FOCAD: variants seen among roughly 807,000 people sequenced by gnomAD.
FOCAD encodes KIAA1797.
In FOCAD, 198 loss-of-function variants were observed where a neutral mutation model predicts 225.6. That is an observed-to-expected ratio of 0.88 (90% CI 0.78 to 0.99). The LOEUF is 0.99. FOCAD is among the 50% of genes least tolerant of loss of function. The pLI, the probability that FOCAD is intolerant of heterozygous loss-of-function variation, is 0.00. For missense variants in FOCAD, 2,713 were observed against 2,123.6 expected, an observed-to-expected ratio of 1.28 and a Z score of -5.46; for synonymous variants, 897 against 755.0, an observed-to-expected ratio of 1.19 and a Z score of -3.08.
intron 4 of FOCAD, among the ~76,000 whole-genome samples, chr9:20,722,929 CA>C (rs1341491400): frequency 6.6e-6 from 1 of 152,078 alleles, no homozygotes; most frequent in African/African-American, 2.4e-5. Context: ...TATTTATATT[CA>C]AAAGTTAAAG....
At chr9:20,779,061 C>T (rs900683044) in intron 9 of FOCAD, among the ~76,000 whole-genome samples, 2 of 152,106 alleles carry the variant, frequency 1.3e-5, no homozygotes, top group Non-Finnish European at 2.9e-5. Flanking sequence ...CAACATTGTA[C>T]AGCAAAATGG....
chr9:20,914,610 G>C (rs1172040048), intron 23 of FOCAD, among the ~76,000 whole-genome samples: 1 of 152,136 alleles, frequency 6.6e-6, no homozygotes, highest in African/African-American at 2.4e-5. Context: ...ATAGGCCCTG[G>C]GAGTGTACCT....
At chr9:20,750,092 T>G (rs1236076497) in intron 5 of FOCAD, among the ~76,000 whole-genome samples, 1 of 152,172 alleles carries the variant, frequency 6.6e-6, no homozygotes, top group Admixed American at 6.6e-5. Context: ...CCTCTGCTTT[T>G]TTCTTCTCTG....
At chr9:20,753,734 T>A (rs533331548) in intron 5 of FOCAD, among the ~76,000 whole-genome samples, 3 of 152,074 alleles carry the variant, frequency 2.0e-5, no homozygotes, top group African/African-American at 7.3e-5. Context: ...GATATGGACA[T>A]GGCTACATAA....
At chr9:20,858,669 G>C (rs775942726) in intron 15 of FOCAD, among the ~76,000 whole-genome samples, 7 of 151,990 alleles carry the variant, frequency 4.6e-5, no homozygotes, top group African/African-American at 1.7e-4. Context: ...AGTTATTTAA[G>C]ATGTATTGTT....
intron 2 of FOCAD, among the ~76,000 whole-genome samples, chr9:20,674,047 A>G (rs1822155918): frequency 1.3e-5 from 2 of 152,340 alleles, no homozygotes; most frequent in South Asian, 4.1e-4. Context: ...CACTGGGTCT[A>G]TCTGTAGTGG....
intron 29 of FOCAD, among the ~76,000 whole-genome samples, chr9:20,946,120 C>A (rs1281303348): frequency 1.4e-5 from 2 of 142,392 alleles, no homozygotes; most frequent in African/African-American, 5.3e-5. Context: ...TTCATTCATT[C>A]ATCAACATAT....
At chr9:20,715,566 A>G (rs1165171525) in intron 2 of FOCAD, among the ~76,000 whole-genome samples, 156 bp downstream of exon 2, 4 of 152,124 alleles carry the variant, frequency 2.6e-5, no homozygotes, top group South Asian at 2.1e-4. Flanking sequence ...ATTTGAAAAT[A>G]TATATTTGAC....
chr9:20,853,168 T>TA (rs1457431638), intron 15 of FOCAD, among the ~76,000 whole-genome samples: 1 of 151,774 alleles, frequency 6.6e-6, no homozygotes, highest in African/African-American at 2.4e-5. Flanking sequence ...AATGTCCCTA[T>TA]AGGGAGTTCT....
At chr9:20,772,254 A>G (rs182118016) in intron 8 of FOCAD, among the ~76,000 whole-genome samples, 1 of 152,198 alleles carries the variant, frequency 6.6e-6, no homozygotes, top group Admixed American at 6.5e-5. Context: ...ATTAGATTTC[A>G]GATATGCTTG....
At chr9:20,676,813 A>T (rs1053310163) in intron 2 of FOCAD, among the ~76,000 whole-genome samples, 2 of 152,216 alleles carry the variant, frequency 1.3e-5, no homozygotes, top group African/African-American at 4.8e-5. Context: ...TGTTCATACC[A>T]CACAACATGA....
intron 4 of FOCAD, among the ~76,000 whole-genome samples, chr9:20,728,079 G>A (rs1015866966): frequency 1.1e-4 from 16 of 152,116 alleles, no homozygotes; most frequent in Admixed American, 9.8e-4. Context: ...TATTAACCTA[G>A]CAAAAACAGT....
Position 20,764,937 on chromosome 9 carries a change from T to C in FOCAD, c.563T>C (p.Leu188Ser). The C allele has an allele frequency of 6.2e-7, 1 of 1,614,140 alleles. No individual in the cohort carries two copies. Among genetic ancestry groups the C allele is most frequent in the Non-Finnish European group, 8.5e-7 (1 of 1,180,010 alleles). Reference protein sequence around the residue: ...LWYLYCEPSQLQEYAKLRLAL... With the variant: ...LWYLYCEPSQSQEYAKLRLAL... ...TATCTGTATTGTGAACCATCTCAGT[T>C]ACAAGAATATGCTAAACTCCGACTA... The change falls in exon 7 of 44, where the codon TTA becomes TCA. Residue 188 changes from leucine to serine, a missense_variant. By Grantham distance (145) the Leu-to-Ser change is moderately radical. Transcript: ENST00000338382.
chr9:20,758,185 C>A lies in FOCAD; in HGVS notation c.488C>A (p.Pro163His). The change falls in exon 6 of 44, where the codon CCT (proline) becomes CAT (histidine). Residue 163 changes from proline to histidine, a missense_variant. Coordinates refer to ENST00000338382, the MANE Select transcript of FOCAD (RefSeq NM_001375567.1). ...CTGACAGCGTTTTTCCAGCAGTGCC[C>A]TGAAAGGTAATGTAAAATAAAAGTG... ...QQLTAFFQQC[P>H]ERLEVSCIQI... is the part of the protein sequence containing the mutation. 6.2e-7 allele frequency: 1 copy of A among 1,609,682 alleles called. No individual in the cohort carries two copies. Among genetic ancestry groups the A allele is most frequent in the Non-Finnish European group, 8.5e-7 (1 of 1,177,414 alleles).
intron 2 of FOCAD, among the ~76,000 whole-genome samples, chr9:20,661,286 C>T (rs1821712733): frequency 6.6e-6 from 1 of 152,130 alleles, no homozygotes; most frequent in African/African-American, 2.4e-5. Flanking sequence ...ACAGGAGAAA[C>T]ATTGAAATTG....
At chr9:20,917,744 TA>T (rs1425542673) in intron 24 of FOCAD, among the ~76,000 whole-genome samples, 2 of 152,196 alleles carry the variant, frequency 1.3e-5, no homozygotes, top group Non-Finnish European at 2.9e-5. Flanking sequence ...TAGTATAGTT[TA>T]TCCTTTTCAT....
chr9:20,672,359 A>G (rs1439589686), intron 2 of FOCAD, among the ~76,000 whole-genome samples: 3 of 152,250 alleles, frequency 2.0e-5, no homozygotes, highest in Non-Finnish European at 4.4e-5. Flanking sequence ...GAGCATCTTT[A>G]TTGATAAATA....
intron 16 of FOCAD, among the ~76,000 whole-genome samples, chr9:20,864,891 A>AT (rs905605676): frequency 3.3e-5 from 5 of 152,052 alleles, no homozygotes; most frequent in African/African-American, 9.7e-5. Context: ...GGAAGGTATC[A>AT]TTTTTTATTG....
chr9:20,982,294 C>A, intron 38 of FOCAD, 63 bp from the exon 39 acceptor site: 3 of 1,163,882 alleles, frequency 2.6e-6, no homozygotes, highest in South Asian at 1.4e-5. Context: ...AATAATTTGT[C>A]AGAACATTTT....
Sources: allele counts gnomAD v4.1 joint callset (sites outside exome capture counted in the v4.1 genomes callset), GRCh38; gene constraint gnomAD v4.1.1; transcripts MANE v1.5; gene names NCBI Gene and HGNC (gene_info 2026-07-23, HGNC 2026-07-21).